ARHGAP32: variants seen among roughly 807,000 people sequenced by gnomAD.
ARHGAP32 encodes Rho GTPase activating protein 32.
Under a neutral mutation model 186.5 loss-of-function variants are expected in ARHGAP32, and 51 were observed. That is an observed-to-expected ratio of 0.27 (90% confidence interval 0.22 to 0.35). The LOEUF (loss-of-function observed/expected upper bound fraction) is 0.35, where lower values mean the gene tolerates loss of function less well. Ranked by LOEUF, ARHGAP32 falls within the 10% of genes least tolerant of loss-of-function variation. The pLI, the probability that ARHGAP32 is intolerant of heterozygous loss-of-function variation, is 1.00. For missense variants in ARHGAP32, 2,186 were observed against 2,623.5 expected (o/e 0.83, Z 3.64); for synonymous variants, 950 against 964.3 (o/e 0.99, Z 0.27).
intron 1 of ARHGAP32, among the ~76,000 whole-genome samples, chr11:129,173,159 C>A (rs898477875): frequency 6.6e-6 from 1 of 151,846 alleles, no homozygotes; most frequent in Non-Finnish European, 1.5e-5. Flanking sequence ...ATACAAACTA[C>A]CATCAGAGAA....
chr11:129,067,726 T>C (rs1311263640), intron 6 of ARHGAP32, among the ~76,000 whole-genome samples: 2 of 152,066 alleles, frequency 1.3e-5, no homozygotes, highest in Non-Finnish European at 2.9e-5. Context: ...GTAGAGCCTT[T>C]TGGCTCATAA....
chr11:129,032,174 C>A (rs1939142000), intron 11 of ARHGAP32, among the ~76,000 whole-genome samples: 1 of 152,224 alleles, frequency 6.6e-6, no homozygotes, highest in South Asian at 2.1e-4. Context: ...ACATTTGAGC[C>A]ACCCATGGAT....
chr11:129,119,607 A>G (rs1483181192), intron 5 of ARHGAP32, among the ~76,000 whole-genome samples: 1 of 152,060 alleles, frequency 6.6e-6, no homozygotes, highest in Non-Finnish European at 1.5e-5. Flanking sequence ...AAGAAAATAA[A>G]TAATAAAATA....
At chr11:129,214,374 T>C (rs942967387) in intron 1 of ARHGAP32, among the ~76,000 whole-genome samples, 2 of 152,246 alleles carry the variant, frequency 1.3e-5, no homozygotes, top group Admixed American at 6.5e-5. Flanking sequence ...CTCTGTTCTA[T>C]ATCTGCAACT....
chr11:129,075,298 G>A (rs1293044990), intron 6 of ARHGAP32, among the ~76,000 whole-genome samples: 1 of 152,000 alleles, frequency 6.6e-6, no homozygotes, highest in Non-Finnish European at 1.5e-5. Flanking sequence ...ATGATAAAGA[G>A]ATGCCATACT....
At chr11:129,193,805 AAAC>A (rs1944353569), upstream of ARHGAP32, among the ~76,000 whole-genome samples, 3 of 134,258 alleles carry the variant, frequency 2.2e-5, no homozygotes, top group South Asian at 6.7e-4. Context: ...TTTAAACCAA[AAAC>A]AACAGAACAA....
intron 10 of ARHGAP32, among the ~76,000 whole-genome samples, chr11:129,054,970 G>C (rs1940191445): frequency 6.6e-6 from 1 of 152,192 alleles, no homozygotes; most frequent in Non-Finnish European, 1.5e-5. Context: ...ACTTAGAATA[G>C]AACTTGGCAA....
chr11:129,120,754 A>C (rs1942507593), intron 5 of ARHGAP32, among the ~76,000 whole-genome samples: 1 of 152,116 alleles, frequency 6.6e-6, no homozygotes, highest in African/African-American at 2.4e-5. Flanking sequence ...TATAAACATA[A>C]AGACAATGAA....
chr11:128,983,565 G>A (rs60771982), intron 15 of ARHGAP32, among the ~76,000 whole-genome samples: 1 of 151,980 alleles, frequency 6.6e-6, no homozygotes, highest in African/African-American at 2.4e-5. Context: ...AATGGGTGCA[G>A]CACACCAACA....
rs543153071 is a variant in ARHGAP32 at position 129,022,707 on chromosome 11, G to A, written c.1045+18221C>T. On this transcript the variant is annotated intron_variant, in intron 11 of 22. Transcript: ENST00000682385. The stretch of plus-strand genomic sequence containing the variant: ...TTGTTACATTTCATCTGAAAACTTT[G>A]AGAATCCCTGAGGTACAGGGCTAAC... Among the ~76,000 whole-genome samples, 79 of 152,214 alleles carry A rather than the reference G, an allele frequency of 5.2e-4. 1 individual carries two copies. Among genetic ancestry groups the A allele is most frequent in the African/African-American group, 1.7e-3 (72 of 41,548 alleles).
chr11:129,026,075 T>A (rs181149531), intron 11 of ARHGAP32, among the ~76,000 whole-genome samples: 23 of 152,136 alleles, frequency 1.5e-4, no homozygotes, highest in African/African-American at 5.3e-4. Flanking sequence ...CCTAATGCCA[T>A]ATAAAAATAC....
intron 1 of ARHGAP32, among the ~76,000 whole-genome samples, chr11:129,191,670 GCACA>G (rs71057930): frequency 0.6 from 89,483 of 147,932 alleles, 27,241 homozygotes; most frequent in Non-Finnish European, 0.68. Context: ...AGGCAGGCAC[GCACA>G]CACACACACA....
chr11:128,976,405 T>C (rs1945542923), intron 20 of ARHGAP32, among the ~76,000 whole-genome samples, 158 bp downstream of exon 20: 1 of 152,190 alleles, frequency 6.6e-6, no homozygotes, highest in Admixed American at 6.5e-5. Context: ...AAAGCATCAA[T>C]GAATTTTAAT....
intron 2 of ARHGAP32, among the ~76,000 whole-genome samples, chr11:129,135,454 A>T (rs545683639): frequency 6.6e-6 from 1 of 152,334 alleles, no homozygotes; most frequent in South Asian, 2.1e-4. Context: ...TACTAAGTCA[A>T]TCTGATTTCT....
At chr11:129,040,131 TTTC>T (rs1266635487) in intron 11 of ARHGAP32, among the ~76,000 whole-genome samples, 3 of 152,138 alleles carry the variant, frequency 2.0e-5, no homozygotes, top group Admixed American at 1.3e-4. Context: ...CTGTTTTTTT[TTTC>T]TTAACTCTTA....
intron 11 of ARHGAP32, among the ~76,000 whole-genome samples, chr11:129,014,867 T>G (rs1377972959): frequency 6.6e-6 from 1 of 152,198 alleles, no homozygotes; most frequent in Non-Finnish European, 1.5e-5. Context: ...TCTTATAATC[T>G]CACAAATTCT....
chr11:128,968,994 C>A lies in ARHGAP32; in HGVS notation c.6219G>T (p.Arg2073Ser). 1 of 1,609,350 alleles carries A rather than the reference C, an allele frequency of 6.2e-7. No individual in the cohort carries two copies. Among genetic ancestry groups the A allele is most frequent in the African/African-American group, 1.3e-5 (1 of 74,966 alleles). Residue 2073 changes from arginine to serine, a missense_variant, in exon 23 of 23, where the codon AGG becomes AGT. Physicochemically the swap from Arg to Ser is moderately radical, Grantham distance 110. This residue lies in a region of ARHGAP32 where 1,502 missense variants were observed against 1,570.0 expected (regional missense o/e 0.96). Transcript: ENST00000682385. ...CTTGACCCAACGCTGTAGCATAGGT[C>A]CTGCTCTGTGGATGGGGAAAGCCAG... ...VPPGFPHPQS[R>S]TYATALGQGA...
chr11:129,104,164 C>CA (rs1365007577), intron 5 of ARHGAP32, among the ~76,000 whole-genome samples: 1 of 151,432 alleles, frequency 6.6e-6, no homozygotes, highest in Non-Finnish European at 1.5e-5. Flanking sequence ...AAAACCTCAC[C>CA]AAAAAAAATT....
At chr11:129,141,865 A>G (rs1943061427) in intron 2 of ARHGAP32, among the ~76,000 whole-genome samples, 1 of 152,078 alleles carries the variant, frequency 6.6e-6, no homozygotes, top group Non-Finnish European at 1.5e-5. Flanking sequence ...AGGGAAAGAA[A>G]AAGGAAAGAG....
Sources: allele counts gnomAD v4.1 joint callset (sites outside exome capture counted in the v4.1 genomes callset), GRCh38; gene constraint gnomAD v4.1.1; regional missense constraint gnomAD v4.1.1; transcripts MANE v1.5; gene names NCBI Gene and HGNC (gene_info 2026-07-23, HGNC 2026-07-21).